The following ANKAR variants were observed in gnomAD, a reference collection of about 807,000 sequenced individuals.
The protein encoded by ANKAR is ankyrin and armadillo repeat-containing protein.
A neutral mutation model predicts 146.2 loss-of-function variants in ANKAR; 136 were observed. The observed-to-expected ratio is 0.93, with a 90% CI of 0.81 to 1.07. The LOEUF is 1.07. Among genes scored for constraint, ANKAR ranks in the 50% least tolerant of loss-of-function variants. The probability of loss-of-function intolerance (pLI) is 0.00; values close to 1 mark genes in which losing one functional copy is unlikely to be tolerated. For missense variants in ANKAR, 1,567 were observed against 1,679.9 expected (o/e 0.93, Z 1.18); for synonymous variants, 500 against 575.8 (o/e 0.87, Z 1.88).
intron 2 of ANKAR, among the ~76,000 whole-genome samples, chr2:189,685,011 T>A (rs942988060): frequency 2.0e-5 from 3 of 149,868 alleles, no homozygotes; most frequent in East Asian, 2.0e-4. Context: ...GTTTTCTGAA[T>A]TTTTTTTTTA....
At position 189,728,434 on chromosome 2, in the gene ANKAR, CTTATT is replaced by C. The variant is rs374851841; in HGVS notation, c.3031+22_3031+26del. 41 of 1,567,640 alleles carry C rather than the reference CTTATT, an allele frequency of 2.6e-5. No individual in the cohort carries two copies. Among genetic ancestry groups the C allele is most frequent in the African/African-American group, 4.7e-5 (3 of 64,120 alleles). ...TGCAGTATGTTGGTAAGTTATTTTC[CTTATT>C]TTATTTTTATTTTTTAGAGACAGGA... On this transcript the variant is annotated intron_variant, in intron 14 of 22. Transcript: ENST00000684021.
At chr2:189,710,153 G>A (rs1305630791) in intron 9 of ANKAR, among the ~76,000 whole-genome samples, 2 of 152,212 alleles carry the variant, frequency 1.3e-5, no homozygotes, top group African/African-American at 4.8e-5. Context: ...GAATGATATA[G>A]CCAAGCTAGA....
At chr2:189,735,100 C>A (rs2042732922) in intron 17 of ANKAR, among the ~76,000 whole-genome samples, 2 of 151,506 alleles carry the variant, frequency 1.3e-5, no homozygotes, top group Admixed American at 1.3e-4. Flanking sequence ...CCACCTTTTG[C>A]CCCTCTACTC....
At chr2:189,703,783 C>T (rs115881701) in intron 7 of ANKAR, among the ~76,000 whole-genome samples, 1,580 of 152,200 alleles carry the variant, frequency 0.01, 35 homozygotes, top group African/African-American at 0.036. Context: ...AGTGTGATAT[C>T]ACAAAAGCCA....
At chr2:189,736,245 C>A (rs115616114) in intron 17 of ANKAR, among the ~76,000 whole-genome samples, 19 of 152,268 alleles carry the variant, frequency 1.2e-4, no homozygotes, top group African/African-American at 4.3e-4. Flanking sequence ...CACAGTGATA[C>A]CGCAGGAGTG....
At chr2:189,755,314 C>A (rs1275699069) in intron 18 of ANKAR, 1 of 1,613,450 alleles carries the variant, frequency 6.2e-7, no homozygotes, top group Admixed American at 1.7e-5. Flanking sequence ...TATTGGTCAA[C>A]CTAATAGTAA....
At position 189,711,175 on chromosome 2, in the gene ANKAR, A is replaced by T. The variant is rs138697615; in HGVS notation, c.2224+22A>T. ...GCAGGTGATGCAAACTCTATTAATA[A>T]CTTTTTATGCTATTTTATGTAGAGC... is the stretch of plus-strand genomic sequence containing the variant. On this transcript the variant is annotated intron_variant, in intron 10 of 22. Coordinates refer to ENST00000684021, the MANE Select transcript of ANKAR (RefSeq NM_001378068.1). 1,754 of 1,544,276 alleles carry T rather than the reference A, an allele frequency of 1.1e-3. 27 individuals are homozygous for T. In the African/African-American group the frequency reaches 0.021, roughly 18 times the overall value.
chr2:189,700,556 T>C (rs116126168), intron 7 of ANKAR, among the ~76,000 whole-genome samples: 6,319 of 152,294 alleles, frequency 0.041, 254 homozygotes, highest in East Asian at 0.12. Context: ...AATCCAGTTA[T>C]ACTCTTTTAG....
chr2:189,705,639 ACACAAC>A (rs1306969630), intron 8 of ANKAR, among the ~76,000 whole-genome samples: 3 of 152,196 alleles, frequency 2.0e-5, no homozygotes, highest in Non-Finnish European at 2.9e-5. Context: ...ACTGGATCCT[ACACAAC>A]CAGGAGGCAG....
intron 9 of ANKAR, among the ~76,000 whole-genome samples, chr2:189,709,548 G>A (rs2039416825): frequency 6.6e-6 from 1 of 152,018 alleles, no homozygotes; most frequent in African/African-American, 2.4e-5. Flanking sequence ...AAAAACTAAA[G>A]CCAAAAAAGA....
downstream of ANKAR, chr2:189,762,408 A>G (rs3828266): frequency 9.7e-4 from 187 of 192,638 alleles, 4 homozygotes; most frequent in East Asian, 0.034. Flanking sequence ...CATCCCAGGG[A>G]TTAGAGATGA....
At chr2:189,755,310 T>C (rs1489230741) in intron 18 of ANKAR, 1 of 1,613,616 alleles carries the variant, frequency 6.2e-7, no homozygotes, top group Non-Finnish European at 8.5e-7. Context: ...ACTTTATTGG[T>C]CAACCTAATA....
chr2:189,754,229 G>A (rs2045725149), intron 18 of ANKAR: 2 of 1,613,884 alleles, frequency 1.2e-6, no homozygotes, highest in Non-Finnish European at 1.7e-6. Context: ...CATGATGCAA[G>A]GGAGGTTTGA....
chr2:189,682,047 C>T (rs2034781715), intron 2 of ANKAR, among the ~76,000 whole-genome samples: 1 of 152,172 alleles, frequency 6.6e-6, no homozygotes, highest in African/African-American at 2.4e-5. Flanking sequence ...CAAATCCAGT[C>T]ACTCTACTAT....
chr2:189,725,297 C>T (rs1047297899), intron 12 of ANKAR, among the ~76,000 whole-genome samples: 1 of 151,014 alleles, frequency 6.6e-6, no homozygotes, highest in Non-Finnish European at 1.5e-5. Context: ...CACACACACA[C>T]ACACACACAC....
At chr2:189,681,065 C>T (rs780308781) in intron 2 of ANKAR, among the ~76,000 whole-genome samples, 2 of 152,124 alleles carry the variant, frequency 1.3e-5, no homozygotes, top group South Asian at 4.1e-4. Context: ...ACCTGAGGCT[C>T]TCATTTGAGA....
At position 189,728,099 on chromosome 2, in the gene ANKAR, T is replaced by C. The variant is rs2042056667; in HGVS notation, c.2877+2T>C. On this transcript the variant is annotated splice_donor_variant, in intron 13 of 22. Coordinates refer to ENST00000684021, the MANE Select transcript of ANKAR (RefSeq NM_001378068.1). LOFTEE classifies it high-confidence loss of function. ...AAATATCTTTTAAAACTCCTAAAGG[T>C]AGGAATTTTATGATTACTGGTCATT... The C allele has an allele frequency of 6.3e-7, 1 of 1,596,398 alleles. No individual in the cohort carries two copies. The highest frequency in any genetic ancestry group is 1.8e-5 in the Admixed American group (1 of 56,840).
chr2:189,703,330 G>C (rs1332287203), intron 7 of ANKAR, among the ~76,000 whole-genome samples: 1 of 152,196 alleles, frequency 6.6e-6, no homozygotes, highest in East Asian at 1.9e-4. Flanking sequence ...GATGGTGGTG[G>C]TGGTAGAGAT....
rs966845986 is a variant in ANKAR, at chr2:189,694,981, C to G, written c.1308C>G (p.Ser436Arg). The G allele has an allele frequency of 6.8e-7, 1 of 1,479,816 alleles. No individual in the cohort carries two copies. Among genetic ancestry groups the G allele is most frequent in the Non-Finnish European group, 9.0e-7 (1 of 1,109,122 alleles). 91.7% of individuals were successfully genotyped at this position (1,479,816 alleles called of 1,614,324 possible). A position where few individuals can be genotyped will look rare whatever the true frequency, so the allele number is the denominator to read the frequency against. ...SIPVMEFHGK[S>R]YYVIYFELET... The stretch of plus-strand genomic sequence containing the variant: ...TCTTTTTTTTCTTTATTTTTTATAG[C>G]TACTATGTGATCTATTTTGAACTAG... The change falls in exon 6 of 23, where the codon AGC becomes AGG. Residue 436 changes from serine to arginine, a missense_variant and splice_region_variant. Coordinates refer to ENST00000684021, the MANE Select transcript of ANKAR (RefSeq NM_001378068.1).
Sources: allele counts gnomAD v4.1 joint callset (sites outside exome capture counted in the v4.1 genomes callset), GRCh38; gene constraint gnomAD v4.1.1; transcripts MANE v1.5; gene names NCBI Gene and HGNC (gene_info 2026-07-23, HGNC 2026-07-21).